HS3ST5: variants seen among roughly 807,000 people sequenced by gnomAD.
HS3ST5 encodes the protein heparan sulfate glucosamine 3-O-sulfotransferase 5.
In HS3ST5, 10 loss-of-function variants were observed where a neutral mutation model predicts 25.4. That is an observed-to-expected ratio of 0.39 (90% CI 0.24 to 0.67). HS3ST5 has a LOEUF of 0.67. Among genes scored for constraint, HS3ST5 ranks in the 30% least tolerant of loss-of-function variants. HS3ST5 has a pLI of 0.44. For missense variants in HS3ST5, 324 were observed against 420.7 expected (o/e 0.77, Z 2.01); for synonymous variants, 170 against 162.4 (o/e 1.05, Z -0.36).
rs144042824 is a variant in HS3ST5, at chr6:114,246,535, A to C, written c.-338-17757T>G. The stretch of plus-strand genomic sequence containing the variant: ...TGTACTCGGTTCAGCTTTAAAAGAC[A>C]ATAAGCTTGTCTGCCAGTCGTTTAA... On this transcript the variant is annotated intron_variant, in intron 1 of 4. Transcript: ENST00000312719. Among the ~76,000 whole-genome samples, 8 of 152,334 alleles carry C rather than the reference A, an allele frequency of 5.3e-5. No homozygotes were observed. In the East Asian group the frequency reaches 1.2e-3, roughly 22 times the overall value.
At chr6:114,320,020 G>A (rs1034031090) in intron 1 of HS3ST5, among the ~76,000 whole-genome samples, 2 of 151,422 alleles carry the variant, frequency 1.3e-5, no homozygotes, top group African/African-American at 4.8e-5. Flanking sequence ...AAGAAATAAG[G>A]ATAATAATAA....
intron 3 of HS3ST5, among the ~76,000 whole-genome samples, chr6:114,166,458 T>C (rs960989666): frequency 2.0e-5 from 3 of 152,338 alleles, no homozygotes; most frequent in African/African-American, 7.2e-5. Flanking sequence ...AAGGTCTTTG[T>C]AAATTCTCCA....
At chr6:114,153,771 C>A (rs1162314145) in intron 3 of HS3ST5, among the ~76,000 whole-genome samples, 1 of 152,168 alleles carries the variant, frequency 6.6e-6, no homozygotes, top group Non-Finnish European at 1.5e-5. Context: ...TCAGTGGTGT[C>A]AGCTATAGTC....
chr6:114,223,079 G>A (rs1018206828), intron 2 of HS3ST5, among the ~76,000 whole-genome samples: 1 of 151,438 alleles, frequency 6.6e-6, no homozygotes, highest in Non-Finnish European at 1.5e-5. Flanking sequence ...AAATATAATA[G>A]TTCGATTTAA....
intron 3 of HS3ST5, among the ~76,000 whole-genome samples, chr6:114,106,361 G>A (rs991524952): frequency 6.6e-6 from 1 of 152,054 alleles, no homozygotes; most frequent in Admixed American, 6.5e-5. Flanking sequence ...AAAGAACGCT[G>A]TGTAGAGTTA....
chr6:114,170,985 G>A (rs2115003240), intron 2 of HS3ST5, among the ~76,000 whole-genome samples: 1 of 152,052 alleles, frequency 6.6e-6, no homozygotes, highest in East Asian at 1.9e-4. Flanking sequence ...GGTTTCTATT[G>A]TGGACTCCTA....
chr6:114,303,828 A>G (rs1478632096), intron 1 of HS3ST5, among the ~76,000 whole-genome samples: 1 of 152,202 alleles, frequency 6.6e-6, no homozygotes, highest in Non-Finnish European at 1.5e-5. Context: ...AGCTTTATCT[A>G]TTGAGCCTGT....
intron 1 of HS3ST5, among the ~76,000 whole-genome samples, chr6:114,236,023 C>A (rs1180549460): frequency 2.0e-5 from 3 of 152,168 alleles, no homozygotes; most frequent in Admixed American, 1.3e-4. Flanking sequence ...CCTCCTTGAG[C>A]CAGACTCTCA....
At chr6:114,315,318 C>T (rs943696414) in intron 1 of HS3ST5, among the ~76,000 whole-genome samples, 2 of 151,988 alleles carry the variant, frequency 1.3e-5, no homozygotes, top group Non-Finnish European at 1.5e-5. Flanking sequence ...CTTTTTATTC[C>T]GTGCAAATAT....
intron 3 of HS3ST5, among the ~76,000 whole-genome samples, chr6:114,082,942 A>G (rs1194348937): frequency 1.3e-5 from 2 of 152,208 alleles, no homozygotes; most frequent in Non-Finnish European, 2.9e-5. Context: ...CAGGGATAAG[A>G]ACCCCTTCCC....
chr6:114,181,105 C>G (rs925525846), intron 2 of HS3ST5, among the ~76,000 whole-genome samples: 2 of 152,184 alleles, frequency 1.3e-5, no homozygotes, highest in African/African-American at 4.8e-5. Flanking sequence ...TTCTGATGCA[C>G]TTTTCCAAAA....
At chr6:114,276,620 A>AC (rs1312818958) in intron 1 of HS3ST5, among the ~76,000 whole-genome samples, 1 of 145,006 alleles carries the variant, frequency 6.9e-6, no homozygotes, top group African/African-American at 2.5e-5. Flanking sequence ...GGAAAAAAAA[A>AC]AACAAAAAAA....
intron 2 of HS3ST5, among the ~76,000 whole-genome samples, chr6:114,187,486 G>C (rs754550218): frequency 6.6e-6 from 1 of 152,192 alleles, no homozygotes; most frequent in Non-Finnish European, 1.5e-5. Flanking sequence ...AACAGAAGTG[G>C]AGCCTGAAGA....
chr6:114,261,583 G>A (rs939944382), intron 1 of HS3ST5, among the ~76,000 whole-genome samples: 2 of 152,150 alleles, frequency 1.3e-5, no homozygotes, highest in African/African-American at 4.8e-5. Context: ...GAGAAGTAGG[G>A]TTTAATAATT....
At chr6:114,341,338 G>T (rs1776861194) in intron 1 of HS3ST5, among the ~76,000 whole-genome samples, 1 of 151,808 alleles carries the variant, frequency 6.6e-6, no homozygotes, top group South Asian at 2.1e-4. Flanking sequence ...CTGAAGCACT[G>T]AAGTAGGGAA....
At chr6:114,149,512 A>G (rs980912051) in intron 3 of HS3ST5, among the ~76,000 whole-genome samples, 3 of 152,164 alleles carry the variant, frequency 2.0e-5, no homozygotes, top group Admixed American at 2.0e-4. Flanking sequence ...GTTCTCACTC[A>G]TAAGTGGGAG....
rs1380738979 is a variant in HS3ST5, at chr6:114,320,912, C to CTA, written c.-339+21282_-339+21283insTA. On this transcript the variant is annotated intron_variant, in intron 1 of 4. Coordinates refer to ENST00000312719, the MANE Select transcript of HS3ST5 (RefSeq NM_153612.4). ...GGAAGTGCTCTCTCTCTCTCTCTCTCTCTATATATATATATATATACATAT... is the reference window on the plus strand; with the variant it reads ...GGAAGTGCTCTCTCTCTCTCTCTCTCTATCTATATATATATATATATACATAT... Among the ~76,000 whole-genome samples the CTA allele has an allele frequency of 9.8e-4, 114 of 116,690 alleles. 1 individual carries two copies. Among genetic ancestry groups the CTA allele is most frequent in the Admixed American group, 1.3e-3 (16 of 12,128 alleles). The allele number at this position is 116,690 out of a possible 152,430, so 76.6% of individuals were successfully genotyped here.
intron 2 of HS3ST5, among the ~76,000 whole-genome samples, chr6:114,195,500 T>A (rs956677073): frequency 1.3e-5 from 2 of 151,698 alleles, no homozygotes; most frequent in African/African-American, 4.8e-5. Context: ...AAAAAAAAAA[T>A]TGTTAAAGCA....
chr6:114,233,918 G>A (rs1771730916), intron 1 of HS3ST5, among the ~76,000 whole-genome samples: 1 of 152,132 alleles, frequency 6.6e-6, no homozygotes, highest in South Asian at 2.1e-4. Context: ...AACATGCATA[G>A]GGAACATAAA....
Sources: allele counts gnomAD v4.1 joint callset (sites outside exome capture counted in the v4.1 genomes callset), GRCh38; gene constraint gnomAD v4.1.1; transcripts MANE v1.5; gene names NCBI Gene and HGNC (gene_info 2026-07-23, HGNC 2026-07-21).